Variants in PCDHGA6 observed in about 807,000 individuals in gnomAD.
The protein encoded by PCDHGA6 is protocadherin gamma subfamily A, 6, also known as protocadherin gamma-A6.
A neutral mutation model predicts 60.6 loss-of-function variants in PCDHGA6; 41 were observed. That is an observed-to-expected ratio of 0.68 (90% CI 0.53 to 0.88). The LOEUF is 0.88. Among genes scored for constraint, PCDHGA6 ranks in the 40% least tolerant of loss-of-function variants. The pLI, the probability that PCDHGA6 is intolerant of heterozygous loss-of-function variation, is 0.00. For missense variants in PCDHGA6, 1,312 were observed against 1,203.0 expected, an observed-to-expected ratio of 1.09 and a Z score of -1.34; for synonymous variants, 594 against 524.4, an observed-to-expected ratio of 1.13 and a Z score of -1.81.
rs1412265811 is a variant in PCDHGA6, at chr5:141,461,565, A to G, written c.2425-33242A>G. Among the ~76,000 whole-genome samples the G allele has an allele frequency of 2.6e-5, 4 of 152,178 alleles. No individual in the cohort carries two copies. The East Asian group carries it at 7.7e-4, about 29-fold the overall frequency. On this transcript the variant is annotated intron_variant, in intron 1 of 3. Coordinates refer to ENST00000517434, the MANE Select transcript of PCDHGA6 (RefSeq NM_018919.3). ...CCTTTGTCAGATGTGTACTTTGCAA[A>G]GATAATATTTTGGATGTTATATTTC...
intron 1 of PCDHGA6, among the ~76,000 whole-genome samples, chr5:141,380,089 G>A (rs1333618493): frequency 6.6e-6 from 1 of 151,698 alleles, no homozygotes; most frequent in Non-Finnish European, 1.5e-5. Flanking sequence ...TAGTAGAGAT[G>A]GGGTTTTACC....
chr5:141,393,306 A>G (rs2092724552), intron 1 of PCDHGA6: 2 of 1,613,734 alleles, frequency 1.2e-6, no homozygotes, highest in African/African-American at 2.7e-5. Flanking sequence ...TGTGGGCGTG[A>G]ACTCCCTCCA....
intron 1 of PCDHGA6, among the ~76,000 whole-genome samples, chr5:141,438,629 TATATATAC>T (rs1474630940): frequency 0.043 from 2,039 of 47,824 alleles, 19 homozygotes; most frequent in South Asian, 0.061. Flanking sequence ...TATATATATA[TATATATAC>T]ACACACACAC....
chr5:141,380,318 T>G (rs751911275), intron 1 of PCDHGA6, among the ~76,000 whole-genome samples: 1 of 151,992 alleles, frequency 6.6e-6, no homozygotes, highest in Non-Finnish European at 1.5e-5. Context: ...AGAATGAAAA[T>G]CTAAATGGAA....
chr5:141,408,174 C>T, intron 1 of PCDHGA6: 3 of 1,531,244 alleles, frequency 2.0e-6, no homozygotes, highest in Non-Finnish European at 1.8e-6. Flanking sequence ...ACTGGAAAAG[C>T]GGGGACCCAG....
rs747722740 is a variant in PCDHGA6, at chr5:141,485,835, C to G, written c.2425-8972C>G. 3 of 1,614,190 alleles carry G rather than the reference C, an allele frequency of 1.9e-6. No homozygotes were observed. In the South Asian group the frequency reaches 3.3e-5, roughly 18 times the overall value. On this transcript the variant is annotated intron_variant, in intron 1 of 3. Transcript: ENST00000517434. This position sits in a 1 kb window ranked among gnomAD's most constrained non-coding sequence, Gnocchi z 5.7. ...ACTGCTGTCGATGGAGGGAACCCGC[C>G]GAGATCTGGCACCGCAGAGCTCCGG...
chr5:141,415,078 G>C, intron 1 of PCDHGA6: 1 of 1,613,494 alleles, frequency 6.2e-7, no homozygotes, highest in Non-Finnish European at 8.5e-7. Context: ...CACGGCGCGA[G>C]CCCTGCTGGA....
chr5:141,423,358 G>T (rs202010010), intron 1 of PCDHGA6: 1 of 1,614,196 alleles, frequency 6.2e-7, no homozygotes, highest in South Asian at 1.1e-5. Flanking sequence ...CTTTGTCATC[G>T]TGCTGCTGGC....
chr5:141,476,772 G>A lies in PCDHGA6; in HGVS notation c.2425-18035G>A. 1 of 1,613,650 alleles carries A rather than the reference G, an allele frequency of 6.2e-7. No homozygotes were observed. Among genetic ancestry groups the A allele is most frequent in the South Asian group, 1.1e-5 (1 of 91,086 alleles). ...CAGTTAGTGCTGACGGCGTTGGACG[G>A]AGGGACCCCAGCTCTCTCCGCCAGC... is the stretch of plus-strand genomic sequence containing the variant. On this transcript the variant is annotated intron_variant, in intron 1 of 3. Coordinates refer to ENST00000517434, the MANE Select transcript of PCDHGA6 (RefSeq NM_018919.3). The surrounding 1 kb of genome is among the most constrained non-coding windows in gnomAD (Gnocchi z 7.6).
chr5:141,425,241 AG>A (rs2096863585), intron 1 of PCDHGA6, among the ~76,000 whole-genome samples: 1 of 152,220 alleles, frequency 6.6e-6, no homozygotes, highest in Admixed American at 6.5e-5. Flanking sequence ...TTAAATAAAA[AG>A]GATATGAGGT....
rs1032814206 is a variant in PCDHGA6, at chr5:141,472,764, T to A, written c.2425-22043T>A. Among the ~76,000 whole-genome samples, 12 of 152,040 alleles carry A rather than the reference T, an allele frequency of 7.9e-5. No individual in the cohort carries two copies. The East Asian group carries it at 2.1e-3, about 27-fold the overall frequency. ...ACTTTGGGAGGCGGAGGCTGGCAGATCACCTGAGGTTGGGAGTTCAAGATC... is the reference window on the plus strand; with the variant it reads ...ACTTTGGGAGGCGGAGGCTGGCAGAACACCTGAGGTTGGGAGTTCAAGATC... On this transcript the variant is annotated intron_variant, in intron 1 of 3. Coordinates refer to ENST00000517434, the MANE Select transcript of PCDHGA6 (RefSeq NM_018919.3).
intron 1 of PCDHGA6, among the ~76,000 whole-genome samples, chr5:141,483,201 C>A (rs2099578254): frequency 6.6e-6 from 1 of 152,108 alleles, no homozygotes; most frequent in Non-Finnish European, 1.5e-5. Context: ...TTATTTTATT[C>A]CATATAGATG....
chr5:141,459,285 A>G (rs1316912878), intron 1 of PCDHGA6, among the ~76,000 whole-genome samples: 1 of 152,202 alleles, frequency 6.6e-6, no homozygotes, highest in Non-Finnish European at 1.5e-5. Context: ...TTTCATCTAA[A>G]TGGAATCCTA....
Position 141,418,262 on chromosome 5 carries a change from A to G in PCDHGA6, c.2424+41755A>G. On this transcript the variant is annotated intron_variant, in intron 1 of 3. Transcript: ENST00000517434. Reference sequence around the variant, plus strand: ...TAATGACCACGCCCCTCAATTCCGGAAAGATGAAATAAACTTAGAAATCAG... The same window carrying G: ...TAATGACCACGCCCCTCAATTCCGGGAAGATGAAATAAACTTAGAAATCAG... 2 of 1,614,068 alleles carry G rather than the reference A, an allele frequency of 1.2e-6. No homozygotes were observed. The highest frequency in any genetic ancestry group is 1.7e-6 in the Non-Finnish European group (2 of 1,179,902).
Position 141,476,788 on chromosome 5 carries a change from C to G in PCDHGA6, c.2425-18019C>G. 1 of 1,613,478 alleles carries G rather than the reference C, an allele frequency of 6.2e-7. No homozygotes were observed. Among genetic ancestry groups the G allele is most frequent in the Non-Finnish European group, 8.5e-7 (1 of 1,180,032 alleles). ...CGTTGGACGGAGGGACCCCAGCTCT[C>G]TCCGCCAGCCTGCCTATTCACATCA... On this transcript the variant is annotated intron_variant, in intron 1 of 3. Coordinates refer to ENST00000517434, the MANE Select transcript of PCDHGA6 (RefSeq NM_018919.3). This position sits in a 1 kb window ranked among gnomAD's most constrained non-coding sequence, Gnocchi z 7.6.
intron 1 of PCDHGA6, chr5:141,388,335 C>G: frequency 1.2e-6 from 2 of 1,613,810 alleles, no homozygotes; most frequent in Non-Finnish European, 1.7e-6. Context: ...GCCTGGCACA[C>G]GATTTATATT....
chr5:141,490,399 C>T lies in PCDHGA6; in HGVS notation c.2425-4408C>T. The T allele has an allele frequency of 1.2e-6, 2 of 1,614,148 alleles. No homozygotes were observed. Among genetic ancestry groups the T allele is most frequent in the Non-Finnish European group, 1.7e-6 (2 of 1,180,016 alleles). On this transcript the variant is annotated intron_variant, in intron 1 of 3. Transcript: ENST00000517434. This position sits in a 1 kb window ranked among gnomAD's most constrained non-coding sequence, Gnocchi z 5.4. ...CTCAGGTAGAAATGGTGAAGTGAGC[C>T]TTGATATCTCTCCGGACCTGCCATT... is the stretch of plus-strand genomic sequence containing the variant.
intron 1 of PCDHGA6, chr5:141,424,083 C>T (rs2096798692): frequency 4.2e-6 from 4 of 957,190 alleles, no homozygotes; most frequent in Non-Finnish European, 5.1e-6. Flanking sequence ...TATATTCCAC[C>T]ATTATTTGCT....
At chr5:141,433,877 A>G (rs1481965040) in intron 1 of PCDHGA6, among the ~76,000 whole-genome samples, 5 of 151,470 alleles carry the variant, frequency 3.3e-5, no homozygotes, top group Admixed American at 6.6e-5. Context: ...AGTTTCATCC[A>G]TTGATGACAC....
Sources: gnomAD v4.1 joint callset for allele counts (sites outside exome capture counted in the v4.1 genomes callset) on GRCh38, gnomAD v4.1.1 for gene constraint, Gnocchi (gnomAD v3.1) non-coding constraint, MANE v1.5 for transcripts, NCBI Gene and HGNC (gene_info 2026-07-23, HGNC 2026-07-21) for gene names.